Variants in RNF217 observed in about 807,000 individuals in gnomAD.
The protein encoded by RNF217 is ring finger protein 217.
RNF217 carries 31 observed loss-of-function variants against 57.8 expected under a neutral mutation model. The observed-to-expected ratio is 0.54, with a 90% CI of 0.40 to 0.72. RNF217 has a LOEUF of 0.72. RNF217 is among the 30% of genes least tolerant of loss of function. RNF217 has a pLI of 0.00. For missense variants in RNF217, 696 were observed against 708.3 expected, an observed-to-expected ratio of 0.98 and a Z score of 0.20; for synonymous variants, 313 against 294.0, an observed-to-expected ratio of 1.06 and a Z score of -0.66.
intron 1 of RNF217, among the ~76,000 whole-genome samples, chr6:124,998,066 A>G (rs1784818208): frequency 6.6e-6 from 1 of 152,144 alleles, no homozygotes; most frequent in African/African-American, 2.4e-5. Context: ...TGTTCAGAGC[A>G]AACTTTTAAT....
At chr6:125,017,231 C>T (rs1785647431) in intron 1 of RNF217, among the ~76,000 whole-genome samples, 1 of 152,170 alleles carries the variant, frequency 6.6e-6, no homozygotes, top group Admixed American at 6.5e-5. Flanking sequence ...GCATGGAAAA[C>T]TTCCTCTTGC....
intron 1 of RNF217, among the ~76,000 whole-genome samples, chr6:124,979,095 C>G (rs1784067707): frequency 6.6e-6 from 1 of 152,132 alleles, no homozygotes; most frequent in Non-Finnish European, 1.5e-5. Flanking sequence ...GTCATTGACT[C>G]TATCCAGAGC....
At chr6:124,964,650 G>A (rs1783462671) in intron 1 of RNF217, among the ~76,000 whole-genome samples, 1 of 152,204 alleles carries the variant, frequency 6.6e-6, no homozygotes, top group East Asian at 1.9e-4. Flanking sequence ...TACATAAACA[G>A]TAAGTTGGCT....
chr6:124,978,465 C>T (rs1210397210), intron 1 of RNF217, among the ~76,000 whole-genome samples: 1 of 150,940 alleles, frequency 6.6e-6, no homozygotes, highest in Non-Finnish European at 1.5e-5. Context: ...TGCCTGATAA[C>T]TCAGAGATGC....
chr6:125,056,665 T>G (rs988130493), intron 2 of RNF217, among the ~76,000 whole-genome samples: 4 of 152,164 alleles, frequency 2.6e-5, no homozygotes, highest in Non-Finnish European at 5.9e-5. Context: ...CTAACTAACC[T>G]TTAAAATGTA....
intron 1 of RNF217, among the ~76,000 whole-genome samples, chr6:124,967,058 A>T (rs1424322194): frequency 6.6e-6 from 1 of 152,202 alleles, no homozygotes; most frequent in Non-Finnish European, 1.5e-5. Flanking sequence ...AATCTTTAGC[A>T]CCACAGTATA....
chr6:124,968,496 T>C (rs996329216), intron 1 of RNF217, among the ~76,000 whole-genome samples: 2 of 152,208 alleles, frequency 1.3e-5, no homozygotes, highest in Non-Finnish European at 1.5e-5. Flanking sequence ...CTGATTTTAA[T>C]TGGCATTTGA....
intron 1 of RNF217, among the ~76,000 whole-genome samples, chr6:125,002,207 A>G (rs550992017): frequency 6.6e-6 from 1 of 152,224 alleles, no homozygotes; most frequent in South Asian, 2.1e-4. Context: ...GCCTTTCTGT[A>G]TGGTCTGTTG....
At chr6:125,057,917 T>C in intron 2 of RNF217, 25 bp from the exon 3 acceptor site, 30 of 1,575,432 alleles carry the variant, frequency 1.9e-5, no homozygotes, top group Non-Finnish European at 2.6e-5. Context: ...CCACTAGTAA[T>C]TAATATGATT....
Position 125,015,341 on chromosome 6 carries a change from A to G in RNF217, c.883-29870A>G, listed in dbSNP as rs528289227. On this transcript the variant is annotated intron_variant, in intron 1 of 5. Coordinates refer to ENST00000521654, the MANE Select transcript of RNF217 (RefSeq NM_001286398.3). Reference sequence around the variant, plus strand: ...GTAAGACATCTTTTTAAAAGTTCGTACTTGTAAAGTCAGCACATTTTATAA... The same window carrying G: ...GTAAGACATCTTTTTAAAAGTTCGTGCTTGTAAAGTCAGCACATTTTATAA... Among the ~76,000 whole-genome samples the G allele has an allele frequency of 2.0e-5, 3 of 152,292 alleles. No homozygotes were observed. The East Asian group carries it at 5.8e-4, about 29-fold the overall frequency.
intron 1 of RNF217, among the ~76,000 whole-genome samples, chr6:124,973,013 G>A (rs764291553): frequency 3.9e-5 from 6 of 152,138 alleles, no homozygotes; most frequent in Admixed American, 1.3e-4. Flanking sequence ...TACTCTATAA[G>A]TAGAGTGGAT....
chr6:125,061,716 G>T (rs1445127543), intron 3 of RNF217, among the ~76,000 whole-genome samples: 1 of 150,626 alleles, frequency 6.6e-6, no homozygotes, highest in African/African-American at 2.4e-5. Context: ...TTTCTTTGTG[G>T]TCAAATACAC....
At chr6:125,013,241 A>T (rs1014712355) in intron 1 of RNF217, among the ~76,000 whole-genome samples, 1 of 152,120 alleles carries the variant, frequency 6.6e-6, no homozygotes, top group African/African-American at 2.4e-5. Context: ...ACAAATATAC[A>T]TAACAGGACA....
At chr6:124,982,419 C>T (rs1784211858) in intron 1 of RNF217, among the ~76,000 whole-genome samples, 1 of 151,968 alleles carries the variant, frequency 6.6e-6, no homozygotes, top group Non-Finnish European at 1.5e-5. Context: ...ATACAAGATA[C>T]TTTTTCAATA....
chr6:124,965,196 T>C (rs1242925651), intron 1 of RNF217, among the ~76,000 whole-genome samples: 1 of 152,236 alleles, frequency 6.6e-6, no homozygotes, highest in East Asian at 1.9e-4. Context: ...ACACAGTATC[T>C]GAAGCTTGTC....
intron 4 of RNF217, among the ~76,000 whole-genome samples, chr6:125,078,290 T>C (rs2114647507): frequency 6.6e-6 from 1 of 152,306 alleles, no homozygotes; most frequent in Middle Eastern, 3.4e-3. Context: ...TGTTTGCAAA[T>C]CTGTATATGG....
chr6:125,012,663 C>T (rs1294880024), intron 1 of RNF217, among the ~76,000 whole-genome samples: 1 of 152,060 alleles, frequency 6.6e-6, no homozygotes, highest in Admixed American at 6.6e-5. Context: ...CTTTGGTGCT[C>T]CTTAGCATAA....
intron 1 of RNF217, among the ~76,000 whole-genome samples, chr6:125,037,192 A>G (rs139010277): frequency 9.3e-4 from 142 of 152,030 alleles, no homozygotes; most frequent in African/African-American, 3.3e-3. Flanking sequence ...CTGTCACACT[A>G]ATGTAATTCC....
intron 1 of RNF217, chr6:124,971,569 C>A: frequency 8.0e-6 from 2 of 250,462 alleles, no homozygotes; most frequent in African/African-American, 2.3e-5. Flanking sequence ...GATTCTCCTG[C>A]CTCAGCCTTC....
Sources: allele counts gnomAD v4.1 joint callset (sites outside exome capture counted in the v4.1 genomes callset), GRCh38; gene constraint gnomAD v4.1.1; transcripts MANE v1.5; gene names NCBI Gene and HGNC (gene_info 2026-07-23, HGNC 2026-07-21).